The following TMTC1 variants were observed in gnomAD, a reference collection of about 807,000 sequenced individuals.
TMTC1 encodes the protein transmembrane O-mannosyltransferase targeting cadherins 1.
In TMTC1, 73 loss-of-function variants were observed where a neutral mutation model predicts 104.8. The observed-to-expected ratio is 0.70, with a 90% CI of 0.58 to 0.85. The LOEUF is 0.85. Ranked by LOEUF, TMTC1 falls within the 40% of genes least tolerant of loss-of-function variation. The pLI, the probability that TMTC1 is intolerant of heterozygous loss-of-function variation, is 0.00. For synonymous variants in TMTC1, 434 were observed against 428.7 expected (o/e 1.01, Z -0.15); for missense variants, 1,035 against 1,096.1 (o/e 0.94, Z 0.79).
intron 7 of TMTC1, among the ~76,000 whole-genome samples, chr12:29,585,674 C>T (rs1171005402): frequency 6.6e-6 from 1 of 152,138 alleles, no homozygotes; most frequent in Non-Finnish European, 1.5e-5. Flanking sequence ...AGCCAGTTTT[C>T]CCAGCACCAT....
intron 8 of TMTC1, among the ~76,000 whole-genome samples, chr12:29,573,456 T>C (rs1945736905): frequency 6.6e-6 from 1 of 152,168 alleles, no homozygotes; most frequent in Non-Finnish European, 1.5e-5. Flanking sequence ...TGCCAGGTGC[T>C]GGGGATACAA....
chr12:29,629,027 T>A (rs1369209169), intron 6 of TMTC1, among the ~76,000 whole-genome samples: 4 of 151,854 alleles, frequency 2.6e-5, no homozygotes, highest in Non-Finnish European at 4.4e-5. Context: ...TTTTTAAAGC[T>A]ACCTATGATG....
At chr12:29,650,087 CTTTTT>C (rs561950425) in intron 5 of TMTC1, among the ~76,000 whole-genome samples, 1 of 142,666 alleles carries the variant, frequency 7.0e-6, no homozygotes, top group Non-Finnish European at 1.5e-5. Context: ...CTTTTCTTTT[CTTTTT>C]TTTTTTTTCT....
intron 5 of TMTC1, among the ~76,000 whole-genome samples, chr12:29,702,457 C>T (rs1024969789): frequency 2.6e-5 from 4 of 152,296 alleles, no homozygotes; most frequent in African/African-American, 4.8e-5. Flanking sequence ...AGCTGTTCAC[C>T]GGAGGTTTCC....
At chr12:29,724,943 C>T (rs1942339686) in intron 5 of TMTC1, among the ~76,000 whole-genome samples, 1 of 149,112 alleles carries the variant, frequency 6.7e-6, no homozygotes, top group Non-Finnish European at 1.5e-5. Flanking sequence ...TAAAATGGCA[C>T]GAAGTTCAAA....
chr12:29,713,389 C>G (rs978826424), intron 5 of TMTC1, among the ~76,000 whole-genome samples: 1 of 151,434 alleles, frequency 6.6e-6, no homozygotes, highest in Non-Finnish European at 1.5e-5. Context: ...CTCTGGAGAA[C>G]ACAAACTAAT....
intron 5 of TMTC1, among the ~76,000 whole-genome samples, chr12:29,673,744 C>CTTT (rs146463669): frequency 4.3e-4 from 41 of 95,740 alleles, no homozygotes; most frequent in African/African-American, 9.1e-4. Flanking sequence ...AGAGGGACTT[C>CTTT]TTTTTTTTTT....
At chr12:29,766,390 T>C (rs1224651754) in intron 2 of TMTC1, among the ~76,000 whole-genome samples, 1 of 152,222 alleles carries the variant, frequency 6.6e-6, no homozygotes, top group Non-Finnish European at 1.5e-5. Flanking sequence ...ATGACAACTA[T>C]GTCACTTCTG....
At chr12:29,616,669 CA>C (rs71045821) in intron 6 of TMTC1, among the ~76,000 whole-genome samples, 25,422 of 79,940 alleles carry the variant, frequency 0.32, 1,498 homozygotes, top group East Asian at 0.37. Flanking sequence ...AACTTGGTCT[CA>C]AAAAAAAAAA....
At chr12:29,580,916 T>C (rs1355836929) in intron 8 of TMTC1, among the ~76,000 whole-genome samples, 2 of 152,188 alleles carry the variant, frequency 1.3e-5, no homozygotes, top group African/African-American at 2.4e-5. Flanking sequence ...TCTCTCATCC[T>C]AGAACACACT....
At chr12:29,768,277 C>T (rs1943519589) in intron 1 of TMTC1, among the ~76,000 whole-genome samples, 1 of 152,142 alleles carries the variant, frequency 6.6e-6, no homozygotes, top group African/African-American at 2.4e-5. Context: ...GTGCAGAAAT[C>T]CATGCATATA....
intron 5 of TMTC1, among the ~76,000 whole-genome samples, chr12:29,653,366 AG>A (rs1477731285): frequency 6.6e-6 from 1 of 152,040 alleles, no homozygotes; most frequent in Non-Finnish European, 1.5e-5. Flanking sequence ...GAATAATAAG[AG>A]CAGTCACAGC....
chr12:29,676,686 G>A (rs550782899), intron 5 of TMTC1, among the ~76,000 whole-genome samples: 2 of 152,178 alleles, frequency 1.3e-5, no homozygotes, highest in East Asian at 1.9e-4. Flanking sequence ...GTGAGGACAC[G>A]GCAAATGGTG....
intron 11 of TMTC1, among the ~76,000 whole-genome samples, chr12:29,525,327 C>T (rs927366142): frequency 6.6e-6 from 1 of 151,582 alleles, no homozygotes; most frequent in Non-Finnish European, 1.5e-5. Context: ...GGATTACAGG[C>T]ACCCATCACC....
At chr12:29,729,709 C>T (rs928086695) in intron 5 of TMTC1, among the ~76,000 whole-genome samples, 5 of 152,154 alleles carry the variant, frequency 3.3e-5, no homozygotes, top group African/African-American at 1.2e-4. Flanking sequence ...TCCAATGATC[C>T]TAATTTGAAT....
chr12:29,644,057 TAA>T (rs1939130937), intron 5 of TMTC1, among the ~76,000 whole-genome samples: 1 of 26,366 alleles, frequency 3.8e-5, no homozygotes, highest in Non-Finnish European at 7.6e-5. Context: ...TATATAAATA[TAA>T]ATATATAATT....
chr12:29,514,844 C>A (rs1427898895), intron 15 of TMTC1, among the ~76,000 whole-genome samples: 1 of 151,898 alleles, frequency 6.6e-6, no homozygotes, highest in African/African-American at 2.4e-5. Context: ...GAAACCCTGT[C>A]TCTACAAAAA....
rs141775708 is a variant in TMTC1 at position 29,763,278 on chromosome 12, C to T, written c.481-4501G>A. ...CAAATATTCGTGTAACACTGATAGGCTCTCTTGCCAGTCCAAACCACTAAG... is the reference window on the plus strand; with the variant it reads ...CAAATATTCGTGTAACACTGATAGGTTCTCTTGCCAGTCCAAACCACTAAG... On this transcript the variant is annotated intron_variant, in intron 2 of 17. Transcript: ENST00000539277. 7.2e-5 allele frequency among the ~76,000 whole-genome samples: 11 copies of T among 152,320 alleles called. No homozygotes were observed. The East Asian group carries it at 2.1e-3, about 29-fold the overall frequency.
At chr12:29,579,430 G>T (rs159693) in intron 8 of TMTC1, among the ~76,000 whole-genome samples, 117,016 of 152,056 alleles carry the variant, frequency 0.77, 47,589 homozygotes, top group East Asian at 0.92. Context: ...TCCCTGGGAG[G>T]TATTCTAAAT....
Sources: allele counts gnomAD v4.1 joint callset (sites outside exome capture counted in the v4.1 genomes callset), GRCh38; gene constraint gnomAD v4.1.1; transcripts MANE v1.5; gene names NCBI Gene and HGNC (gene_info 2026-07-23, HGNC 2026-07-21).